Variants in DPP10 observed in about 807,000 individuals in gnomAD.
The protein encoded by DPP10 is inactive dipeptidyl peptidase 10.
In DPP10, 33 loss-of-function variants were observed where a neutral mutation model predicts 120.9. That is an observed-to-expected ratio of 0.27 (90% CI 0.21 to 0.37). The LOEUF is 0.37. Ranked by LOEUF, DPP10 falls within the 10% of genes least tolerant of loss-of-function variation. The pLI, the probability that DPP10 is intolerant of heterozygous loss-of-function variation, is 1.00. For missense variants in DPP10, 816 were observed against 942.8 expected (o/e 0.87, Z 1.76); for synonymous variants, 337 against 326.1 (o/e 1.03, Z -0.36).
chr2:115,767,173 C>T (rs532610188), intron 12 of DPP10, among the ~76,000 whole-genome samples: 3 of 152,078 alleles, frequency 2.0e-5, no homozygotes, highest in South Asian at 2.1e-4. Flanking sequence ...GAGGAAGATC[C>T]AGACCAAGGG....
chr2:114,712,006 T>C (rs1310309750), intron 1 of DPP10, among the ~76,000 whole-genome samples: 2 of 152,144 alleles, frequency 1.3e-5, no homozygotes, highest in East Asian at 1.9e-4. Flanking sequence ...GGTTATGATA[T>C]ACCAGTCACA....
Position 115,376,924 on chromosome 2 carries a change from G to T in DPP10, c.271+33012G>T, listed in dbSNP as rs571528028. Reference sequence around the variant, plus strand: ...GCATAGTATTCCATGGTGTATATGTGCCACATTTTCTTAATCCAGTCTATC... The same window carrying T: ...GCATAGTATTCCATGGTGTATATGTTCCACATTTTCTTAATCCAGTCTATC... On this transcript the variant is annotated intron_variant, in intron 3 of 25. Coordinates refer to ENST00000410059, the MANE Select transcript of DPP10 (RefSeq NM_020868.6). Among the ~76,000 whole-genome samples the T allele has an allele frequency of 5.2e-3, 771 of 147,324 alleles. 8 individuals carry two copies. Among genetic ancestry groups the T allele is most frequent in the Middle Eastern group, 0.021 (6 of 292 alleles).
At chr2:114,876,971 T>C (rs115356608) in intron 1 of DPP10, among the ~76,000 whole-genome samples, 3,435 of 152,030 alleles carry the variant, frequency 0.023, 132 homozygotes, top group African/African-American at 0.079. Context: ...TAATTTGCTA[T>C]TCAAATATAA....
intron 1 of DPP10, among the ~76,000 whole-genome samples, chr2:114,669,298 A>G (rs1489397455): frequency 6.6e-6 from 1 of 152,204 alleles, no homozygotes; most frequent in African/African-American, 2.4e-5. Flanking sequence ...ATGCATATGC[A>G]AAAAGCATTT....
At chr2:115,351,565 T>C (rs892093180) in intron 3 of DPP10, among the ~76,000 whole-genome samples, 1 of 151,942 alleles carries the variant, frequency 6.6e-6, no homozygotes, top group African/African-American at 2.4e-5. Context: ...TAAAAACACA[T>C]AGGAGGCTAT....
chr2:115,056,585 C>T (rs968310909), intron 1 of DPP10, among the ~76,000 whole-genome samples: 2 of 152,106 alleles, frequency 1.3e-5, no homozygotes, highest in African/African-American at 4.8e-5. Context: ...TCTTGAACTC[C>T]TGGCCTCAAG....
intron 5 of DPP10, among the ~76,000 whole-genome samples, chr2:115,540,513 A>C (rs1017678891): frequency 1.3e-5 from 2 of 151,850 alleles, no homozygotes; most frequent in African/African-American, 4.8e-5. Context: ...TTTTCAAGAG[A>C]CTTGTTTCAA....
rs540293863 is a variant in DPP10, at chr2:114,728,713, C to T, written c.60+285875C>T. 2.5e-4 allele frequency among the ~76,000 whole-genome samples: 38 copies of T among 152,280 alleles called. No individual in the cohort carries two copies. In the South Asian group the frequency reaches 6.4e-3, roughly 26 times the overall value. On this transcript the variant is annotated intron_variant, in intron 1 of 25. Transcript: ENST00000410059. ...ATTTGATTAGATTACATTCTCTCTA[C>T]GTCCAATGAGCTCTAATCGTCTATT...
chr2:115,711,347 G>A (rs1031979704), intron 7 of DPP10, among the ~76,000 whole-genome samples: 1 of 151,944 alleles, frequency 6.6e-6, no homozygotes, highest in Non-Finnish European at 1.5e-5. Flanking sequence ...GAAAAATGAG[G>A]GATACACATA....
intron 1 of DPP10, among the ~76,000 whole-genome samples, chr2:115,001,583 T>C (rs954451901): frequency 6.6e-6 from 1 of 152,088 alleles, no homozygotes; most frequent in African/African-American, 2.4e-5. Context: ...GGTATCCAAA[T>C]AGGAAGAGAG....
chr2:115,500,997 G>A (rs944946671), intron 4 of DPP10, among the ~76,000 whole-genome samples: 1 of 152,020 alleles, frequency 6.6e-6, no homozygotes, highest in Admixed American at 6.6e-5. Flanking sequence ...ATAATGATGA[G>A]AAGGTATGAT....
At chr2:114,616,701 T>C (rs1280167635) in intron 1 of DPP10, among the ~76,000 whole-genome samples, 1 of 152,096 alleles carries the variant, frequency 6.6e-6, no homozygotes, top group Non-Finnish European at 1.5e-5. Flanking sequence ...AAGGAAGTGG[T>C]CATCAATAAA....
chr2:114,811,476 C>T (rs1162195243), intron 1 of DPP10, among the ~76,000 whole-genome samples: 2 of 152,080 alleles, frequency 1.3e-5, no homozygotes, highest in African/African-American at 2.4e-5. Context: ...ACCATCTCCA[C>T]TGCCACAACC....
At chr2:115,770,788 T>C (rs955729653) in intron 13 of DPP10, among the ~76,000 whole-genome samples, 2 of 152,112 alleles carry the variant, frequency 1.3e-5, no homozygotes, top group African/African-American at 4.8e-5. Context: ...AAGGAGTATA[T>C]AAAAATCACC....
intron 4 of DPP10, among the ~76,000 whole-genome samples, chr2:115,519,428 T>TAG (rs1052850830): frequency 1.3e-5 from 2 of 151,828 alleles, no homozygotes; most frequent in African/African-American, 4.8e-5. Context: ...AATATATATA[T>TAG]AGAGAGAGCA....
chr2:115,196,264 G>A (rs1314799384), intron 1 of DPP10, among the ~76,000 whole-genome samples: 1 of 152,196 alleles, frequency 6.6e-6, no homozygotes, highest in Non-Finnish European at 1.5e-5. Flanking sequence ...GATCATTGGA[G>A]CATGTTCCTC....
At chr2:115,636,941 G>A (rs188156538) in intron 5 of DPP10, among the ~76,000 whole-genome samples, 1 of 152,140 alleles carries the variant, frequency 6.6e-6, no homozygotes, top group African/African-American at 2.4e-5. Flanking sequence ...ATTTAAACAG[G>A]CCTCTCAGCA....
At chr2:115,802,948 T>C (rs1045102439) in intron 19 of DPP10, among the ~76,000 whole-genome samples, 7 of 152,282 alleles carry the variant, frequency 4.6e-5, no homozygotes, top group South Asian at 2.1e-4. Flanking sequence ...CTATTAGGTC[T>C]GCTTGGTGCA....
intron 3 of DPP10, among the ~76,000 whole-genome samples, chr2:115,475,693 C>T (rs1402374915): frequency 6.6e-6 from 1 of 152,194 alleles, no homozygotes; most frequent in African/African-American, 2.4e-5. Context: ...GTTGTGGGGG[C>T]TAAACCCTAG....
Sources: allele counts gnomAD v4.1 joint callset (sites outside exome capture counted in the v4.1 genomes callset), GRCh38; gene constraint gnomAD v4.1.1; transcripts MANE v1.5; gene names NCBI Gene and HGNC (gene_info 2026-07-23, HGNC 2026-07-21).